Variants in CTDSP2 observed in about 807,000 individuals in gnomAD.
CTDSP2 encodes CTD small phosphatase 2.
In CTDSP2, 9 loss-of-function variants were observed where a neutral mutation model predicts 31.6. The ratio of observed to expected loss-of-function variants is 0.28; its 90% CI spans 0.17 to 0.50. The LOEUF (loss-of-function observed/expected upper bound fraction) is 0.50. Among genes scored for constraint, CTDSP2 ranks in the 20% least tolerant of loss-of-function variants. The pLI, the probability that CTDSP2 is intolerant of heterozygous loss-of-function variation, is 0.98. For missense variants in CTDSP2, 267 were observed against 348.5 expected (o/e 0.77, Z 1.86); for synonymous variants, 134 against 134.5 (o/e 1.00, Z 0.03).
chr12:57,836,129 A>G (rs1257794434), intron 1 of CTDSP2, among the ~76,000 whole-genome samples: 1 of 152,162 alleles, frequency 6.6e-6, no homozygotes, highest in Non-Finnish European at 1.5e-5. Context: ...GCCCAAGAAG[A>G]TGAGGGAAAG....
rs1485793872 is a variant in CTDSP2 at position 57,846,381 on chromosome 12, T to G, written c.55A>C (p.Thr19Pro). 6 of 1,608,424 alleles carry G rather than the reference T, an allele frequency of 3.7e-6. No homozygotes were observed. The highest frequency in any genetic ancestry group is 5.1e-6 in the Non-Finnish European group (6 of 1,177,680). ...QARREDALVL[T>P]KQGLVSKSSP... is the part of the protein sequence containing the mutation. ...AAGTTGCTGCCCCTACCTTGCTTGG[T>G]GAGCACCAGGGCGTCTTCCCTCCGC... is the stretch of plus-strand genomic sequence containing the variant. The change falls in exon 1 of 8, where the codon ACC becomes CCC. Residue 19 changes from threonine to proline, a missense_variant. Thr to Pro is a conservative substitution (Grantham distance 38). This residue lies in a region of CTDSP2 where 111 missense variants were observed against 107.1 expected (regional missense o/e 1.04). Coordinates refer to ENST00000398073, the MANE Select transcript of CTDSP2 (RefSeq NM_005730.4).
At position 57,823,581 on chromosome 12, in the gene CTDSP2, G is replaced by A. The variant is rs796480697; in HGVS notation, c.*21C>T. On this transcript the variant is annotated 3_prime_UTR_variant, in exon 8 of 8. Coordinates refer to ENST00000398073, the MANE Select transcript of CTDSP2 (RefSeq NM_005730.4). The stretch of plus-strand genomic sequence containing the variant: ...GGGAAAGTCCCCTACTGGGATGGCC[G>A]TCGCTTGGAAGCAGGGCAGGCTAAG... 2.5e-6 allele frequency: 4 copies of A among 1,612,632 alleles called. No individual in the cohort carries two copies. Among genetic ancestry groups the A allele is most frequent in the East Asian group, 2.2e-5 (1 of 44,844 alleles).
chr12:57,846,502 T>TGG lies in CTDSP2; in HGVS notation c.-69_-68dup. 7.5e-7 allele frequency: 1 copy of TGG among 1,333,956 alleles called. No individual in the cohort carries two copies. The allele number at this position is 1,333,956 out of a possible 1,614,324, so 82.6% of individuals were successfully genotyped here. A position where few individuals can be genotyped will look rare whatever the true frequency, so the allele number is the denominator to read the frequency against. On this transcript the variant is annotated 5_prime_UTR_variant, in exon 1 of 8. Coordinates refer to ENST00000398073, the MANE Select transcript of CTDSP2 (RefSeq NM_005730.4). The stretch of plus-strand genomic sequence containing the variant: ...GGCGGGCGCGCGGGCTGGGCTGGGC[T>TGG]GGGGGGCCTGGGCGGGGGCCCGCTC...
chr12:57,823,772 C>T, intron 7 of CTDSP2, 45 bp from the exon 8 acceptor site: 1 of 1,612,524 alleles, frequency 6.2e-7, no homozygotes. Flanking sequence ...CTGCTGCTTC[C>T]CCCTCCCTCG....
In CTDSP2 at chr12:57,829,482, G is replaced by A; in HGVS notation, c.179C>T (p.Ala60Val). The change falls in exon 2 of 8, where the codon GCT (alanine) becomes GTT (valine). Residue 60 changes from alanine (A) to valine (V), a missense_variant. Physicochemically the swap from Ala to Val is moderately conservative, Grantham distance 64 (BLOSUM62 0). This residue lies in a region of CTDSP2 where 111 missense variants were observed against 107.1 expected (regional missense o/e 1.04). Coordinates refer to ENST00000398073, the MANE Select transcript of CTDSP2 (RefSeq NM_005730.4). ...VGQSSSSTEL[A>V]AYKEEANTIA... Reference sequence around the variant, plus strand: ...GGTGTTTGCTTCCTCCTTATACGCAGCGAGCTCAGTGGAGGAACTTGACTG... The same window carrying A: ...GGTGTTTGCTTCCTCCTTATACGCAACGAGCTCAGTGGAGGAACTTGACTG... 1 of 1,614,158 alleles carries A rather than the reference G, an allele frequency of 6.2e-7. No individual in the cohort carries two copies. The highest frequency in any genetic ancestry group is 8.5e-7 in the Non-Finnish European group (1 of 1,180,022).
chr12:57,838,252 G>A lies in CTDSP2; in HGVS notation c.64+8120C>T, dbSNP rs548014675. ...GGACTCTTGAGGGATGTCAGGAAGT[G>A]ATCTAATAGCCCACAGGGCAGCAGG... On this transcript the variant is annotated intron_variant, in intron 1 of 7. Transcript: ENST00000398073. 5.9e-5 allele frequency among the ~76,000 whole-genome samples: 9 copies of A among 152,278 alleles called. No individual in the cohort carries two copies. The South Asian group carries it at 1.9e-3, about 32-fold the overall frequency.
intron 5 of CTDSP2, chr12:57,824,638 T>C (rs768371795): frequency 3.5e-6 from 2 of 564,526 alleles, no homozygotes; most frequent in South Asian, 1.4e-5. Context: ...TAATCAAGAA[T>C]AGGCCTCACA....
intron 1 of CTDSP2, among the ~76,000 whole-genome samples, chr12:57,834,509 T>C (rs1956235085): frequency 6.6e-6 from 1 of 152,138 alleles, no homozygotes; most frequent in African/African-American, 2.4e-5. Context: ...AGCAGATACC[T>C]CTGGGGGATC....
At chr12:57,824,964 T>C (rs1299445059) in intron 5 of CTDSP2, among the ~76,000 whole-genome samples, 3 of 152,186 alleles carry the variant, frequency 2.0e-5, no homozygotes, top group African/African-American at 4.8e-5. Flanking sequence ...TCCATGACTC[T>C]AGCCTACACA....
At chr12:57,845,138 G>A (rs1268333979) in intron 1 of CTDSP2, among the ~76,000 whole-genome samples, 3 of 152,160 alleles carry the variant, frequency 2.0e-5, no homozygotes, top group Non-Finnish European at 2.9e-5. Flanking sequence ...CTGCAGCACC[G>A]GCCCTTCGCG....
intron 1 of CTDSP2, among the ~76,000 whole-genome samples, chr12:57,834,127 TGGGAG>T (rs750635046): frequency 6.6e-6 from 1 of 152,108 alleles, no homozygotes; most frequent in Non-Finnish European, 1.5e-5. Context: ...ATGCAACAAA[TGGGAG>T]GTGTAGGGGC....
intron 5 of CTDSP2, 36 bp from the exon 6 acceptor site, chr12:57,824,355 C>T: frequency 1.3e-6 from 2 of 1,514,514 alleles, no homozygotes; most frequent in Non-Finnish European, 1.8e-6. Flanking sequence ...GGAGGCATCC[C>T]TGTGATGAAG....
intron 1 of CTDSP2, among the ~76,000 whole-genome samples, chr12:57,832,614 A>T (rs1956222554): frequency 1.3e-5 from 2 of 152,020 alleles, no homozygotes; most frequent in African/African-American, 4.8e-5. Flanking sequence ...CAACATGGTG[A>T]AACACCGTCT....
At chr12:57,841,154 G>C (rs1956280400) in intron 1 of CTDSP2, among the ~76,000 whole-genome samples, 1 of 152,168 alleles carries the variant, frequency 6.6e-6, no homozygotes. Context: ...AAATATGTCA[G>C]GGCCACACCC....
intron 1 of CTDSP2, 60 bp downstream of exon 1, chr12:57,846,312 T>G: frequency 2.0e-6 from 3 of 1,502,780 alleles, no homozygotes. Context: ...GGTTCGGGGC[T>G]GTGCTAGCCC....
chr12:57,830,906 G>A (rs149094920), intron 1 of CTDSP2, among the ~76,000 whole-genome samples: 102 of 151,530 alleles, frequency 6.7e-4, no homozygotes, highest in African/African-American at 2.3e-3. Flanking sequence ...GCGCCACCAC[G>A]CCCAGCTAAT....
chr12:57,830,360 G>A (rs1956208003), intron 1 of CTDSP2, among the ~76,000 whole-genome samples: 1 of 151,712 alleles, frequency 6.6e-6, no homozygotes, highest in Non-Finnish European at 1.5e-5. Context: ...ACTCCAGCCT[G>A]GATGACAGAG....
intron 1 of CTDSP2, among the ~76,000 whole-genome samples, chr12:57,834,456 T>G (rs2140479844): frequency 1.3e-5 from 2 of 152,256 alleles, no homozygotes; most frequent in South Asian, 4.1e-4. Context: ...GGGATTCCAC[T>G]CCAGGGAATC....
intron 1 of CTDSP2, among the ~76,000 whole-genome samples, chr12:57,839,282 T>C (rs541018109): frequency 6.6e-6 from 1 of 152,316 alleles, no homozygotes; most frequent in South Asian, 2.1e-4. Flanking sequence ...TTTTCAACAG[T>C]TCCGTGGCCT....
Sources: gnomAD v4.1 joint callset for allele counts (sites outside exome capture counted in the v4.1 genomes callset) on GRCh38, gnomAD v4.1.1 for gene constraint, gnomAD v4.1.1 regional missense constraint, MANE v1.5 for transcripts, NCBI Gene and HGNC (gene_info 2026-07-23, HGNC 2026-07-21) for gene names.